Variants in NAV2 observed in about 807,000 individuals in gnomAD.
NAV2 encodes helicase, APC down-regulated 1.
NAV2 carries 54 observed loss-of-function variants against 223.2 expected under a neutral mutation model. The observed-to-expected ratio is 0.24, with a 90% CI of 0.19 to 0.30. The LOEUF is 0.30. NAV2 is among the 10% of genes least tolerant of loss of function. The pLI is 1.00. For missense variants in NAV2, 2,806 were observed against 3,147.5 expected, an observed-to-expected ratio of 0.89 and a Z score of 2.60; for synonymous variants, 1,279 against 1,239.3, an observed-to-expected ratio of 1.03 and a Z score of -0.67.
intron 11 of NAV2, among the ~76,000 whole-genome samples, chr11:20,020,160 T>C (rs1477205546): frequency 1.3e-5 from 2 of 152,208 alleles, no homozygotes; most frequent in African/African-American, 4.8e-5. Context: ...GTGAACATCT[T>C]TTTAGATTTG....
At chr11:19,902,470 A>T (rs1324598454) in intron 6 of NAV2, among the ~76,000 whole-genome samples, 1 of 152,218 alleles carries the variant, frequency 6.6e-6, no homozygotes, top group Non-Finnish European at 1.5e-5. Flanking sequence ...CTAAAATACA[A>T]TAAACCTGGC....
intron 1 of NAV2, among the ~76,000 whole-genome samples, chr11:19,456,871 G>A (rs955785830): frequency 6.6e-6 from 1 of 152,144 alleles, no homozygotes; most frequent in African/African-American, 2.4e-5. Flanking sequence ...CTGCTTAACA[G>A]GCTGATGTGA....
At chr11:19,765,422 T>TCTC (rs1441579814) in intron 1 of NAV2, among the ~76,000 whole-genome samples, 1 of 136,466 alleles carries the variant, frequency 7.3e-6, no homozygotes, top group South Asian at 2.6e-4. Flanking sequence ...TCTCTCCCTC[T>TCTC]CTCCTCCTCC....
intron 1 of NAV2, among the ~76,000 whole-genome samples, chr11:19,787,585 A>G (rs2057227731): frequency 6.6e-6 from 1 of 152,182 alleles, no homozygotes; most frequent in Admixed American, 6.5e-5. Flanking sequence ...CTGAACTTCC[A>G]TTTCTCTATC....
intron 1 of NAV2, among the ~76,000 whole-genome samples, chr11:19,522,025 T>G (rs1321540800): frequency 6.6e-6 from 1 of 152,212 alleles, no homozygotes; most frequent in Non-Finnish European, 1.5e-5. Flanking sequence ...GCTTGGACAG[T>G]CATTTGCCCT....
chr11:19,853,822 G>A (rs922041321), intron 3 of NAV2, among the ~76,000 whole-genome samples: 1 of 151,228 alleles, frequency 6.6e-6, no homozygotes, highest in African/African-American at 2.4e-5. Flanking sequence ...AAATGCCTGT[G>A]TCCCCACTAG....
At chr11:19,757,639 A>G (rs991135766) in intron 1 of NAV2, among the ~76,000 whole-genome samples, 1 of 152,120 alleles carries the variant, frequency 6.6e-6, no homozygotes, top group Admixed American at 6.6e-5. Context: ...CATAGGCTGC[A>G]TGGTGTGTGA....
At chr11:19,768,158 T>C (rs1289630906) in intron 1 of NAV2, among the ~76,000 whole-genome samples, 1 of 152,154 alleles carries the variant, frequency 6.6e-6, no homozygotes, top group African/African-American at 2.4e-5. Flanking sequence ...TGCACGCACG[T>C]TGAGTGGCTC....
chr11:20,118,742 C>T lies in NAV2; in HGVS notation c.*484C>T. On this transcript the variant is annotated 3_prime_UTR_variant, in exon 38 of 38. Transcript: ENST00000349880. ...CTCCAGACTGGGTCTCAGAGCCGTG[C>T]CACCCACCCTCCCACACAGCCGGCC... The T allele has an allele frequency of 5.8e-6, 1 of 172,556 alleles. No homozygotes were observed. Among genetic ancestry groups the T allele is most frequent in the East Asian group, 1.8e-4 (1 of 5,614 alleles). The allele number at this position is 172,556 out of a possible 1,614,324, so 10.7% of individuals were successfully genotyped here. A position where few individuals can be genotyped will look rare whatever the true frequency, so the allele number is the denominator to read the frequency against.
chr11:19,841,579 C>T (rs922320919), intron 2 of NAV2, among the ~76,000 whole-genome samples: 4 of 152,046 alleles, frequency 2.6e-5, no homozygotes, highest in African/African-American at 7.2e-5. Context: ...TTTGGGGAAA[C>T]AAGAAAAGGA....
chr11:19,484,790 G>A (rs2042389999), intron 1 of NAV2, among the ~76,000 whole-genome samples: 1 of 152,200 alleles, frequency 6.6e-6, no homozygotes. Context: ...GGACCCACAG[G>A]TGTAAGGGAA....
At chr11:19,931,166 A>C (rs1435751017) in intron 6 of NAV2, among the ~76,000 whole-genome samples, 1 of 152,172 alleles carries the variant, frequency 6.6e-6, no homozygotes, top group Non-Finnish European at 1.5e-5. Context: ...TCCTGACACC[A>C]AGCAGGCCGC....
intron 1 of NAV2, among the ~76,000 whole-genome samples, chr11:19,617,861 C>T (rs2046845231): frequency 6.6e-6 from 1 of 152,174 alleles, no homozygotes; most frequent in Admixed American, 6.5e-5. Context: ...CCATGCTGCT[C>T]CAGTCACAAT....
intron 1 of NAV2, among the ~76,000 whole-genome samples, chr11:19,412,511 C>A (rs543805793): frequency 6.6e-5 from 10 of 151,770 alleles, no homozygotes; most frequent in African/African-American, 2.4e-4. Context: ...CAGACTTAAA[C>A]GTCTGCTGAA....
chr11:20,092,103 G>A, intron 27 of NAV2, 103 bp from the exon 28 acceptor site: 1 of 1,155,176 alleles, frequency 8.7e-7, no homozygotes, highest in Non-Finnish European at 1.3e-6. Flanking sequence ...TTGGGTGGAA[G>A]ACCAGCCTGG....
chr11:19,345,528 G>T, the NAV2 span, among the ~76,000 whole-genome samples: 5 of 152,342 alleles, frequency 3.3e-5, no homozygotes, highest in South Asian at 1.0e-3. This position sits in a 1 kb window ranked among gnomAD's most constrained non-coding sequence, Gnocchi z 5.2. Context: ...CACCTCTGCT[G>T]CGGGACTCTG....
intron 1 of NAV2, among the ~76,000 whole-genome samples, chr11:19,432,559 G>A (rs995776481): frequency 6.6e-6 from 1 of 152,244 alleles, no homozygotes; most frequent in African/African-American, 2.4e-5. Context: ...GTCATGGACA[G>A]TGAGGAGGTG....
chr11:20,103,232 T>A lies in NAV2; in HGVS notation c.6418-23T>A, dbSNP rs1401899808. The A allele has an allele frequency of 1.9e-6, 3 of 1,600,770 alleles. No individual in the cohort carries two copies. The South Asian group carries it at 3.4e-5, about 18-fold the overall frequency. ...GAGTGCATTCACCCACTTGTTCTCC[T>A]TCGGCCTTCCTGGCCACCATAGGAA... On this transcript the variant is annotated intron_variant, in intron 32 of 37. Transcript: ENST00000349880.
chr11:19,736,620 C>T (rs1282009288), intron 1 of NAV2, among the ~76,000 whole-genome samples: 1 of 152,202 alleles, frequency 6.6e-6, no homozygotes, highest in Non-Finnish European at 1.5e-5. Flanking sequence ...GAAGTGCTCA[C>T]ATTTTGCTCC....
Sources: gnomAD v4.1 joint callset for allele counts (sites outside exome capture counted in the v4.1 genomes callset) on GRCh38, gnomAD v4.1.1 for gene constraint, Gnocchi (gnomAD v3.1) non-coding constraint, MANE v1.5 for transcripts, NCBI Gene and HGNC (gene_info 2026-07-23, HGNC 2026-07-21) for gene names.